The following NR1H4 variants were observed in gnomAD, a reference collection of about 807,000 sequenced individuals.
NR1H4 encodes the protein bile acid receptor.
A neutral mutation model predicts 58.5 loss-of-function variants in NR1H4; 23 were observed. The ratio of observed to expected loss-of-function variants is 0.39; its 90% CI spans 0.28 to 0.56. NR1H4 has a LOEUF of 0.56. NR1H4 is among the 20% of genes least tolerant of loss of function. NR1H4 has a pLI of 0.58. For synonymous variants in NR1H4, 214 were observed against 198.0 expected, an observed-to-expected ratio of 1.08 and a Z score of -0.68; for missense variants, 487 against 576.9, an observed-to-expected ratio of 0.84 and a Z score of 1.60.
At chr12:100,548,496 T>A (rs1400387401) in intron 9 of NR1H4, among the ~76,000 whole-genome samples, 2 of 152,146 alleles carry the variant, frequency 1.3e-5, no homozygotes, top group African/African-American at 2.4e-5. Flanking sequence ...TATCTCCTCA[T>A]ATTTCTCAGG....
intron 4 of NR1H4, among the ~76,000 whole-genome samples, chr12:100,513,235 T>C (rs962796136): frequency 5.3e-5 from 8 of 152,238 alleles, no homozygotes; most frequent in African/African-American, 1.9e-4. Context: ...ATATGGAATG[T>C]CTTTTGAATG....
rs1474303405 is a variant in NR1H4 at position 100,563,310 on chromosome 12, G to A, written c.1252G>A (p.Val418Met). Residue 418 changes from valine to methionine, a missense_variant, in exon 11 of 11, where the codon GTG becomes ATG. Coordinates refer to ENST00000392986, the MANE Select transcript of NR1H4 (RefSeq NM_001206979.2). ...GAAGCTTCAGGAGCCACTTCTTGATGTGCTACAAAAGTTGTGTAAGATTCA... is the reference window on the plus strand; with the variant it reads ...GAAGCTTCAGGAGCCACTTCTTGATATGCTACAAAAGTTGTGTAAGATTCA... ...VEKLQEPLLD[V>M]LQKLCKIHQP... 3 of 1,614,024 alleles carry A rather than the reference G, an allele frequency of 1.9e-6. No homozygotes were observed. The highest frequency in any genetic ancestry group is 3.3e-5 in the Admixed American group (2 of 60,000).
At chr12:100,517,573 G>A (rs1319816118) in intron 4 of NR1H4, among the ~76,000 whole-genome samples, 2 of 152,150 alleles carry the variant, frequency 1.3e-5, no homozygotes. Flanking sequence ...GGATTATATA[G>A]TAGTTACATT....
At chr12:100,506,043 A>G (rs1469904034) in intron 3 of NR1H4, among the ~76,000 whole-genome samples, 1 of 116,958 alleles carries the variant, frequency 8.6e-6, no homozygotes, top group Middle Eastern at 3.8e-3. Flanking sequence ...ACACACACAC[A>G]GAGAGAGAGA....
Position 100,507,699 on chromosome 12 carries a change from G to A in NR1H4, c.80-3079G>A, listed in dbSNP as rs11110401. On this transcript the variant is annotated intron_variant, in intron 3 of 10. Transcript: ENST00000392986. ...AGGATGGTCTCAATCTTTTGACCTT[G>A]TGAACCACCTGCCTCGGCCTCCCAA... Among the ~76,000 whole-genome samples the A allele has an allele frequency of 5.9e-5, 9 of 152,168 alleles. No individual in the cohort carries two copies. In the East Asian group the frequency reaches 1.5e-3, roughly 26 times the overall value.
At chr12:100,554,392 AACACAC>A (rs60582622) in intron 9 of NR1H4, among the ~76,000 whole-genome samples, 28 of 148,104 alleles carry the variant, frequency 1.9e-4, no homozygotes, top group African/African-American at 4.0e-4. Context: ...ACTTGTAAAT[AACACAC>A]ACACACACAC....
chr12:100,507,890 A>G (rs941145838), intron 3 of NR1H4, among the ~76,000 whole-genome samples: 7 of 152,152 alleles, frequency 4.6e-5, no homozygotes, highest in African/African-American at 1.4e-4. Context: ...TCAACATGTA[A>G]TATGTATATT....
At chr12:100,508,085 A>G (rs1277672386) in intron 3 of NR1H4, among the ~76,000 whole-genome samples, 2 of 152,120 alleles carry the variant, frequency 1.3e-5, no homozygotes, top group East Asian at 3.9e-4. Flanking sequence ...GCATGTAACT[A>G]GATTCAGGAA....
In NR1H4 at chr12:100,522,151, A is replaced by G. The variant is rs774164160; in HGVS notation, c.446-10307A>G. On this transcript the variant is annotated intron_variant, in intron 4 of 10. Coordinates refer to ENST00000392986, the MANE Select transcript of NR1H4 (RefSeq NM_001206979.2). ...GGTGATGATGATAATGGTGATGGTG[A>G]TGGTGATGGTGGTGGTGATAATGAT... 1.3e-5 allele frequency among the ~76,000 whole-genome samples: 2 copies of G among 151,880 alleles called. 1 individual carries two copies. The highest frequency in any genetic ancestry group is 4.2e-4 in the South Asian group (2 of 4,806).
intron 8 of NR1H4, among the ~76,000 whole-genome samples, chr12:100,540,406 T>A (rs1319738672): frequency 6.6e-6 from 1 of 152,208 alleles, no homozygotes; most frequent in Non-Finnish European, 1.5e-5. Flanking sequence ...TTTCTGAGGG[T>A]TTCTTCATCT....
At chr12:100,503,219 T>C (rs1953875651) in intron 3 of NR1H4, 1 of 765,310 alleles carries the variant, frequency 1.3e-6, no homozygotes, top group Non-Finnish European at 1.9e-6. Context: ...AAAATGTTTA[T>C]CTAAGAGACT....
At chr12:100,559,936 A>G (rs1955427472) in intron 9 of NR1H4, among the ~76,000 whole-genome samples, 1 of 152,174 alleles carries the variant, frequency 6.6e-6, no homozygotes, top group Non-Finnish European at 1.5e-5. Flanking sequence ...AAGGTTTGTG[A>G]GTGCACCAAT....
At position 100,501,113 on chromosome 12, in the gene NR1H4, TA is replaced by T. The variant is rs779890274; in HGVS notation, c.79+7714del. Reference sequence around the variant, plus strand: ...AGCAACAAGGGTTTCCTGGGTCAGCTAAATAATCCTGCTCATTTCTTATCTA... The same window carrying T: ...AGCAACAAGGGTTTCCTGGGTCAGCTAATAATCCTGCTCATTTCTTATCTA... On this transcript the variant is annotated intron_variant, in intron 3 of 10. Coordinates refer to ENST00000392986, the MANE Select transcript of NR1H4 (RefSeq NM_001206979.2). Among the ~76,000 whole-genome samples the T allele has an allele frequency of 2.1e-3, 319 of 151,976 alleles. 2 individuals are homozygous for T. The highest frequency in any genetic ancestry group is 7.2e-3 in the African/African-American group (300 of 41,434).
chr12:100,493,468 T>G, intron 3 of NR1H4, 66 bp downstream of exon 3: 1 of 820,224 alleles, frequency 1.2e-6, no homozygotes, highest in Non-Finnish European at 2.1e-6. Context: ...CATGAGGAAA[T>G]GCCTAGATGA....
chr12:100,475,981 G>A (rs564315926), intron 1 of NR1H4, among the ~76,000 whole-genome samples: 2 of 152,228 alleles, frequency 1.3e-5, no homozygotes, highest in Admixed American at 1.3e-4. Context: ...TGATCCGCCC[G>A]CCTCGGCTTC....
rs1954783068 is a variant in NR1H4 at position 100,535,023 on chromosome 12, G to A, written c.732G>A (p.Arg244=). 6.2e-7 allele frequency: 1 copy of A among 1,614,154 alleles called. No individual in the cohort carries two copies. The highest frequency in any genetic ancestry group is 8.5e-7 in the Non-Finnish European group (1 of 1,180,024). ...RQVTSTTKSC[R]EKTELTPDQQ... is the part of the protein sequence containing the mutation. ...TGACCTCGACAACAAAGTCATGCAG[G>A]GTAATAATATGCAATGGTGTCTGCC... Residue 244 remains arginine, a splice_region_variant and synonymous_variant, in exon 6 of 11, where the codon AGG becomes AGA. Transcript: ENST00000392986.
At chr12:100,499,046 T>C (rs1020659598) in intron 3 of NR1H4, among the ~76,000 whole-genome samples, 1 of 152,192 alleles carries the variant, frequency 6.6e-6, no homozygotes, top group African/African-American at 2.4e-5. Context: ...TCCTCCCTCC[T>C]CAGCCTCTTC....
intron 9 of NR1H4, among the ~76,000 whole-genome samples, chr12:100,551,133 A>G (rs572579104): frequency 7.2e-5 from 11 of 152,320 alleles, no homozygotes; most frequent in African/African-American, 2.6e-4. Context: ...AGGGAATATA[A>G]AGTAAAACAT....
At chr12:100,486,154 T>A (rs961099398) in intron 1 of NR1H4, among the ~76,000 whole-genome samples, 1 of 152,124 alleles carries the variant, frequency 6.6e-6, no homozygotes. Context: ...TAGTTCCAGG[T>A]CATGCGTGAA....
Sources: gnomAD v4.1 joint callset for allele counts (sites outside exome capture counted in the v4.1 genomes callset) on GRCh38, gnomAD v4.1.1 for gene constraint, MANE v1.5 for transcripts, NCBI Gene and HGNC (gene_info 2026-07-23, HGNC 2026-07-21) for gene names.